Variants in BCAS3 observed in about 807,000 individuals in gnomAD.
BCAS3 encodes the protein BCAS3 microtubule associated cell migration factor, also known as BCAS4/BCAS3 fusion.
A neutral mutation model predicts 116.1 loss-of-function variants in BCAS3; 53 were observed. That is an observed-to-expected ratio of 0.46 (90% confidence interval 0.37 to 0.57). BCAS3 has a LOEUF of 0.57. Ranked by LOEUF, BCAS3 falls within the 20% of genes least tolerant of loss-of-function variation. The pLI, the probability that BCAS3 is intolerant of heterozygous loss-of-function variation, is 0.00. For synonymous variants in BCAS3, 391 were observed against 408.2 expected (o/e 0.96, Z 0.51); for missense variants, 917 against 1,165.4 (o/e 0.79, Z 3.10).
At chr17:60,821,117 T>G (rs1188711115) in intron 7 of BCAS3, among the ~76,000 whole-genome samples, 1 of 152,106 alleles carries the variant, frequency 6.6e-6, no homozygotes, top group Non-Finnish European at 1.5e-5. Flanking sequence ...TGGCTAATAT[T>G]TGTATTTTTA....
At chr17:61,260,758 G>T (rs946306352) in intron 22 of BCAS3, among the ~76,000 whole-genome samples, 5 of 152,232 alleles carry the variant, frequency 3.3e-5, no homozygotes, top group African/African-American at 1.2e-4. Flanking sequence ...ACCGATGAGT[G>T]TCTGGCAATT....
intron 12 of BCAS3, among the ~76,000 whole-genome samples, chr17:60,917,171 T>C (rs974246979): frequency 1.3e-5 from 2 of 152,212 alleles, no homozygotes; most frequent in African/African-American, 2.4e-5. Flanking sequence ...CAATATAATA[T>C]TATTTAACAA....
At chr17:61,167,747 G>A (rs1390397359) in intron 22 of BCAS3, among the ~76,000 whole-genome samples, 2 of 152,180 alleles carry the variant, frequency 1.3e-5, no homozygotes, top group African/African-American at 4.8e-5. Context: ...TGTTTATCAG[G>A]ACTGGGGCTT....
chr17:60,805,469 G>T (rs2048182832), intron 6 of BCAS3, among the ~76,000 whole-genome samples: 1 of 152,148 alleles, frequency 6.6e-6, no homozygotes, highest in Non-Finnish European at 1.5e-5. Context: ...CAGGAGAAAA[G>T]CATACAAATT....
At chr17:60,781,367 G>A (rs978577580) in intron 6 of BCAS3, among the ~76,000 whole-genome samples, 1 of 151,896 alleles carries the variant, frequency 6.6e-6, no homozygotes, top group Non-Finnish European at 1.5e-5. Context: ...CAGAGGACAA[G>A]GTAGAAGGAT....
chr17:60,729,333 A>T (rs796432149), intron 5 of BCAS3, among the ~76,000 whole-genome samples: 4,366 of 136,260 alleles, frequency 0.032, 216 homozygotes, highest in African/African-American at 0.11. Flanking sequence ...TTTTTTTTTT[A>T]AGATACCTAG....
rs201141656 is a variant in BCAS3 at position 61,373,804 on chromosome 17, C to CTTTTTTTTTTTT, written c.2593+5313_2593+5314insTTTTTTTTTTTT. Among the ~76,000 whole-genome samples, 47 of 76,124 alleles carry CTTTTTTTTTTTT rather than the reference C, an allele frequency of 6.2e-4. 1 individual carries two copies. The highest frequency in any genetic ancestry group is 1.5e-3 in the East Asian group (3 of 1,940). 49.9% of individuals were successfully genotyped at this position (76,124 alleles called of 152,430 possible). On this transcript the variant is annotated intron_variant, in intron 23 of 23. Transcript: ENST00000407086. ...TTGCTGCTGTTAACTTCTTCTTCTT[C>CTTTTTTTTTTTT]TTTGTTTTTTTTTTTTTTTTTTTTG... is the stretch of plus-strand genomic sequence containing the variant.
intron 7 of BCAS3, among the ~76,000 whole-genome samples, chr17:60,838,931 G>T (rs986449078): frequency 6.6e-6 from 1 of 152,118 alleles, no homozygotes; most frequent in South Asian, 2.1e-4. Context: ...GGCTCAAGTG[G>T]TCCTCCTGCC....
chr17:61,257,126 T>C (rs2048837912), intron 22 of BCAS3, among the ~76,000 whole-genome samples: 1 of 151,974 alleles, frequency 6.6e-6, no homozygotes, highest in Non-Finnish European at 1.5e-5. Flanking sequence ...ACATTGCTAA[T>C]AAAGGGCAGA....
At chr17:60,830,882 G>GT in intron 7 of BCAS3, among the ~76,000 whole-genome samples, 1 of 138,626 alleles carries the variant, frequency 7.2e-6, no homozygotes, top group South Asian at 2.3e-4. Context: ...ACATCCTTTT[G>GT]TTTTTTTAAG....
chr17:61,299,088 G>T (rs1032995732), intron 22 of BCAS3, among the ~76,000 whole-genome samples: 10 of 151,968 alleles, frequency 6.6e-5, no homozygotes, highest in African/African-American at 1.9e-4. Context: ...CTCCCAAAGT[G>T]CTGGGATTAC....
chr17:60,894,329 C>T (rs952273963), intron 10 of BCAS3, among the ~76,000 whole-genome samples: 4 of 151,740 alleles, frequency 2.6e-5, no homozygotes, highest in Admixed American at 6.6e-5. Context: ...TATATATTTT[C>T]GTAACTATTG....
intron 7 of BCAS3, among the ~76,000 whole-genome samples, chr17:60,818,574 T>C (rs940333549): frequency 5.9e-5 from 9 of 152,206 alleles, no homozygotes; most frequent in Non-Finnish European, 8.8e-5. Flanking sequence ...TTTTTGTCAG[T>C]TGTGTTTGCG....
At chr17:61,142,920 G>T (rs576844432) in intron 22 of BCAS3, among the ~76,000 whole-genome samples, 1 of 152,262 alleles carries the variant, frequency 6.6e-6, no homozygotes, top group East Asian at 1.9e-4. Flanking sequence ...ATAGTGGTCA[G>T]ATTATGTATA....
intron 8 of BCAS3, 32 bp downstream of exon 8, chr17:60,868,715 A>C: frequency 7.5e-7 from 1 of 1,334,572 alleles, no homozygotes; most frequent in Non-Finnish European, 1.0e-6. Flanking sequence ...TCTTGTGTAA[A>C]ATAAGAAACA....
chr17:61,084,571 A>G lies in BCAS3; in HGVS notation c.2425+7A>G. 1 of 1,603,716 alleles carries G rather than the reference A, an allele frequency of 6.2e-7. No homozygotes were observed. Among genetic ancestry groups the G allele is most frequent in the Non-Finnish European group, 8.5e-7 (1 of 1,170,684 alleles). Reference sequence around the variant, plus strand: ...GTGATTGATGCTGCCTCAGGTAGAAAACCACCTCTGAAATATTTATTGGGC... The same window carrying G: ...GTGATTGATGCTGCCTCAGGTAGAAGACCACCTCTGAAATATTTATTGGGC... On this transcript the variant is annotated splice_region_variant and intron_variant, in intron 22 of 23. Transcript: ENST00000407086. This position sits in a 1 kb window ranked among gnomAD's most constrained non-coding sequence, Gnocchi z 5.5.
At chr17:61,197,810 T>G (rs1164246433) in intron 22 of BCAS3, among the ~76,000 whole-genome samples, 1 of 152,220 alleles carries the variant, frequency 6.6e-6, no homozygotes, top group Non-Finnish European at 1.5e-5. Context: ...ACTGTGTAAT[T>G]GTATAAAGTA....
chr17:60,874,827 C>T (rs942406566), intron 9 of BCAS3, 89 bp downstream of exon 9: 2 of 753,344 alleles, frequency 2.7e-6, no homozygotes, highest in African/African-American at 1.8e-5. Flanking sequence ...ATTTTCTCAA[C>T]AGTACTTAAT....
intron 6 of BCAS3, among the ~76,000 whole-genome samples, chr17:60,761,061 G>C (rs563368417): frequency 4.4e-4 from 66 of 151,672 alleles, no homozygotes; most frequent in Admixed American, 2.6e-3. Flanking sequence ...TTTCTGTTTT[G>C]TTCTTTTTAA....
Sources: gnomAD v4.1 joint callset for allele counts (sites outside exome capture counted in the v4.1 genomes callset) on GRCh38, gnomAD v4.1.1 for gene constraint, Gnocchi (gnomAD v3.1) non-coding constraint, MANE v1.5 for transcripts, NCBI Gene and HGNC (gene_info 2026-07-23, HGNC 2026-07-21) for gene names.